Variants in HEXB observed in about 807,000 individuals in gnomAD.
The protein encoded by HEXB is beta-hexosaminidase subunit beta.
A neutral mutation model predicts 71.2 loss-of-function variants in HEXB; 51 were observed. The ratio of observed to expected loss-of-function variants is 0.72; its 90% CI spans 0.57 to 0.90. The LOEUF is 0.90. Among genes scored for constraint, HEXB ranks in the 40% least tolerant of loss-of-function variants. HEXB has a pLI of 0.00. For synonymous variants in HEXB, 266 were observed against 249.3 expected, an observed-to-expected ratio of 1.07 and a Z score of -0.63; for missense variants, 617 against 677.0, an observed-to-expected ratio of 0.91 and a Z score of 0.98.
intron 2 of HEXB, among the ~76,000 whole-genome samples, chr5:74,691,011 G>A (rs1178909876): frequency 6.6e-6 from 1 of 152,162 alleles, no homozygotes; most frequent in Non-Finnish European, 1.5e-5. Context: ...TGGCAATACA[G>A]ATAACAGATT....
rs1561226735 is a variant in HEXB at position 74,715,661 on chromosome 5, GGGA to G, written c.1058_1060del (p.Gly353del). 1.2e-6 allele frequency: 2 copies of G among 1,608,906 alleles called. No individual in the cohort carries two copies. The highest frequency in any genetic ancestry group is 1.1e-5 in the South Asian group (1 of 90,938). On this transcript the variant is annotated inframe_deletion, in exon 8 of 14. Transcript: ENST00000261416. The stretch of plus-strand genomic sequence containing the variant: ...TGTTTCCAGATCAATTCATTCATTT[GGGA>G]GGAGATGAAGTGGAATTTAAATGTT...
chr5:74,696,878 C>A, intron 4 of HEXB, 118 bp from the exon 5 acceptor site: 1 of 768,516 alleles, frequency 1.3e-6, no homozygotes. Context: ...AAATTTCATA[C>A]ATTTTTGTTG....
intron 1 of HEXB, among the ~76,000 whole-genome samples, chr5:74,650,125 G>A (rs976632212): frequency 1.3e-5 from 2 of 152,238 alleles, no homozygotes; most frequent in African/African-American, 4.8e-5. Context: ...AGATTCAGCT[G>A]AAGTTTGAAG....
chr5:74,660,424 T>C (rs1354245651), intron 1 of HEXB, among the ~76,000 whole-genome samples: 1 of 152,208 alleles, frequency 6.6e-6, no homozygotes, highest in African/African-American at 2.4e-5. Context: ...AAGAGGCTGA[T>C]ATGGCTGATG....
rs1258974496 is a variant in HEXB, at chr5:74,720,673, C to T, written c.1539C>T (p.Leu513=). 2 of 1,614,134 alleles carry T rather than the reference C, an allele frequency of 1.2e-6. No homozygotes were observed. Among genetic ancestry groups the T allele is most frequent in the Non-Finnish European group, 1.7e-6 (2 of 1,180,018 alleles). Residue 513 remains leucine (L), a synonymous_variant, in exon 13 of 14, where the codon CTC becomes CTT. Transcript: ENST00000261416. ...WPRASAVGER[L]WSSKDVRDMD... ...GGGCAAGTGCTGTTGGTGAGAGACT[C>T]TGGAGTTCCAAAGATGTCAGAGATA...
chr5:74,710,887 C>T (rs1178127802), intron 6 of HEXB, among the ~76,000 whole-genome samples: 2 of 152,050 alleles, frequency 1.3e-5, no homozygotes, highest in Non-Finnish European at 2.9e-5. Context: ...TCAATGCCAT[C>T]CCCATCAAGC....
chr5:74,684,593 C>T (rs1368624397), upstream of HEXB, among the ~76,000 whole-genome samples: 1 of 152,186 alleles, frequency 6.6e-6, no homozygotes, highest in Non-Finnish European at 1.5e-5. Context: ...CAGGAGAGCG[C>T]CCGTGTTGAC....
upstream of HEXB, among the ~76,000 whole-genome samples, chr5:74,682,486 A>C (rs1303420304): frequency 6.6e-6 from 1 of 152,248 alleles, no homozygotes; most frequent in Admixed American, 6.5e-5. Flanking sequence ...AGACTCCTAA[A>C]TTCCTGAACC....
rs778385185 is a variant in HEXB, at chr5:74,721,147, C to CTGGATATTGT, written c.1644_1653dup (p.Asn552TrpfsTer4). The CTGGATATTGT allele has an allele frequency of 6.2e-7, 1 of 1,613,194 alleles. No individual in the cohort carries two copies. Among genetic ancestry groups the CTGGATATTGT allele is most frequent in the Admixed American group, 1.7e-5 (1 of 60,008 alleles). On this transcript the variant is annotated frameshift_variant, in exon 14 of 14. Coordinates refer to ENST00000261416, the MANE Select transcript of HEXB (RefSeq NM_000521.4). LOFTEE classifies it low-confidence loss of function (END_TRUNC). The stretch of plus-strand genomic sequence containing the variant: ...GGAATAGCTGCACAACCTCTTTATG[C>CTGGATATTGT]TGGATATTGTAACCATGAGAACATG...
At chr5:74,700,599 A>G (rs1467235708) in intron 5 of HEXB, among the ~76,000 whole-genome samples, 1 of 151,924 alleles carries the variant, frequency 6.6e-6, no homozygotes, top group Non-Finnish European at 1.5e-5. Flanking sequence ...ACTCCACCTT[A>G]TATTTATATT....
intron 6 of HEXB, among the ~76,000 whole-genome samples, chr5:74,713,131 T>A (rs961199591): frequency 6.6e-6 from 1 of 152,204 alleles, no homozygotes; most frequent in Non-Finnish European, 1.5e-5. Context: ...TGAAACAGCA[T>A]GATAGTAGAA....
At chr5:74,678,220 C>T (rs1056049862) in intron 1 of HEXB, among the ~76,000 whole-genome samples, 10 of 152,028 alleles carry the variant, frequency 6.6e-5, no homozygotes, top group Non-Finnish European at 1.0e-4. Flanking sequence ...ATCACTTGAA[C>T]CCAGAAGGCG....
chr5:74,709,512 T>C (rs1163230183), intron 6 of HEXB, among the ~76,000 whole-genome samples: 1 of 152,100 alleles, frequency 6.6e-6, no homozygotes, highest in East Asian at 1.9e-4. Context: ...AAGCTGGTTT[T>C]TTGAAAGGAT....
At chr5:74,648,197 T>C (rs1466070510) in intron 1 of HEXB, among the ~76,000 whole-genome samples, 3 of 152,212 alleles carry the variant, frequency 2.0e-5, no homozygotes, top group African/African-American at 7.2e-5. Flanking sequence ...ACTCTGAAAC[T>C]GAAGATCTCT....
chr5:74,684,336 A>G (rs1212565674), upstream of HEXB, among the ~76,000 whole-genome samples: 1 of 152,114 alleles, frequency 6.6e-6, no homozygotes, highest in African/African-American at 2.4e-5. Flanking sequence ...GTCAGTTGGG[A>G]TCCTTTATAT....
chr5:74,696,585 T>C (rs1749117599), intron 3 of HEXB, 108 bp from the exon 4 acceptor site: 2 of 673,856 alleles, frequency 3.0e-6, no homozygotes, highest in South Asian at 1.6e-5. Context: ...TAACACTATA[T>C]TCAATTATAT....
At chr5:74,716,799 GA>G in intron 9 of HEXB, 126 bp downstream of exon 9, 1 of 632,954 alleles carries the variant, frequency 1.6e-6, no homozygotes, top group Admixed American at 2.7e-5. Context: ...ATCACTAAAG[GA>G]GGCAATACCC....
chr5:74,721,229 G>A lies in HEXB; in HGVS notation c.*54G>A. The stretch of plus-strand genomic sequence containing the variant: ...TCTGTACTACAATCAACTTTATTTT[G>A]AAATCATGTAAAATAAGATATTAGA... On this transcript the variant is annotated 3_prime_UTR_variant, in exon 14 of 14. Transcript: ENST00000261416. The A allele has an allele frequency of 2.3e-6, 3 of 1,331,984 alleles. 1 individual carries two copies. Among genetic ancestry groups the A allele is most frequent in the South Asian group, 2.3e-5 (2 of 85,220 alleles). The allele number at this position is 1,331,984 out of a possible 1,614,324, so 82.5% of individuals were successfully genotyped here.
chr5:74,688,057 A>G (rs994460128), intron 1 of HEXB, among the ~76,000 whole-genome samples: 1 of 152,150 alleles, frequency 6.6e-6, no homozygotes, highest in African/African-American at 2.4e-5. Context: ...ACCAAAAACA[A>G]TTGCTCTGAA....
Sources: gnomAD v4.1 joint callset for allele counts (sites outside exome capture counted in the v4.1 genomes callset) on GRCh38, gnomAD v4.1.1 for gene constraint, MANE v1.5 for transcripts, NCBI Gene and HGNC (gene_info 2026-07-23, HGNC 2026-07-21) for gene names.